The following SYN2 variants were observed in gnomAD, a reference collection of about 807,000 sequenced individuals.
SYN2 encodes the protein synapsin II.
SYN2 carries 19 observed loss-of-function variants against 50.9 expected under a neutral mutation model. The observed-to-expected ratio is 0.37, with a 90% CI of 0.26 to 0.55. The LOEUF (loss-of-function observed/expected upper bound fraction) is 0.55. Ranked by LOEUF, SYN2 falls within the 20% of genes least tolerant of loss-of-function variation. The probability of loss-of-function intolerance (pLI) is 0.81; values close to 1 mark genes in which losing one functional copy is unlikely to be tolerated. For synonymous variants in SYN2, 255 were observed against 224.9 expected (o/e 1.13, Z -1.20); for missense variants, 587 against 576.4 (o/e 1.02, Z -0.19).
intron 1 of SYN2, among the ~76,000 whole-genome samples, chr3:12,042,658 A>C (rs307578): frequency 5.9e-5 from 9 of 152,010 alleles, no homozygotes; most frequent in African/African-American, 1.5e-4. Flanking sequence ...GTCCACCTCA[A>C]AATGTGACTT....
chr3:12,070,919 C>T, intron 1 of SYN2: 1 of 556,538 alleles, frequency 1.8e-6, no homozygotes, highest in South Asian at 1.5e-5. Flanking sequence ...CAGGAGATGG[C>T]CACCGCCGCA....
intron 1 of SYN2, among the ~76,000 whole-genome samples, chr3:12,065,394 A>G (rs1346500955): frequency 6.6e-6 from 1 of 152,218 alleles, no homozygotes; most frequent in Non-Finnish European, 1.5e-5. Context: ...CCAAAAAAAC[A>G]CATGCACTTA....
At chr3:12,108,902 A>G (rs892855929) in intron 1 of SYN2, among the ~76,000 whole-genome samples, 9 of 151,962 alleles carry the variant, frequency 5.9e-5, no homozygotes, top group South Asian at 2.1e-4. Context: ...AGGGAAGGAA[A>G]TAGATGAAAA....
chr3:12,155,679 T>C (rs1050195473), intron 5 of SYN2, among the ~76,000 whole-genome samples: 2 of 152,180 alleles, frequency 1.3e-5, no homozygotes, highest in African/African-American at 2.4e-5. Flanking sequence ...CTGGGCACCA[T>C]TGATAACTTT....
intron 5 of SYN2, among the ~76,000 whole-genome samples, chr3:12,157,829 C>T (rs1162211803): frequency 1.2e-4 from 19 of 152,032 alleles, no homozygotes; most frequent in African/African-American, 4.4e-4. Flanking sequence ...TCAGGGCAGT[C>T]GGTGTGAAGT....
At chr3:12,176,911 A>G (rs993441569) in intron 10 of SYN2, among the ~76,000 whole-genome samples, 10 of 152,038 alleles carry the variant, frequency 6.6e-5, no homozygotes, top group Admixed American at 4.6e-4. Context: ...CGGCTGCCAC[A>G]TTGTTGCTGA....
At chr3:12,129,209 TAGG>T (rs1696736650) in intron 1 of SYN2, among the ~76,000 whole-genome samples, 1 of 151,794 alleles carries the variant, frequency 6.6e-6, no homozygotes, top group Non-Finnish European at 1.5e-5. Context: ...AGTAGAAACA[TAGG>T]AGGGAATATG....
At chr3:12,005,057 G>A in intron 1 of SYN2, 129 bp downstream of exon 1, 1 of 386,416 alleles carries the variant, frequency 2.6e-6, no homozygotes, top group Non-Finnish European at 4.6e-6. Context: ...AGGTCCCGCT[G>A]GGAGGAGGTG....
chr3:12,070,318 C>G, intron 1 of SYN2: 1 of 503,488 alleles, frequency 2.0e-6, no homozygotes, highest in Non-Finnish European at 4.0e-6. Context: ...AGCCGTGTTC[C>G]CCTCCATCCT....
intron 1 of SYN2, among the ~76,000 whole-genome samples, chr3:12,108,843 A>ACT (rs1475868755): frequency 8.2e-6 from 1 of 121,314 alleles, no homozygotes; most frequent in East Asian, 2.2e-4. Flanking sequence ...TTTAGGAGCC[A>ACT]GTTTTTTTTT....
At chr3:12,017,199 T>G (rs2125133584) in intron 1 of SYN2, among the ~76,000 whole-genome samples, 1 of 152,178 alleles carries the variant, frequency 6.6e-6, no homozygotes, top group Non-Finnish European at 1.5e-5. Flanking sequence ...CATAAAGGTT[T>G]CAAGGCAGGG....
At chr3:12,040,748 A>G (rs1328906245) in intron 1 of SYN2, among the ~76,000 whole-genome samples, 1 of 152,220 alleles carries the variant, frequency 6.6e-6, no homozygotes, top group Middle Eastern at 3.2e-3. Context: ...GATTCAAAAA[A>G]GAGGATAAAA....
intron 5 of SYN2, chr3:12,156,932 C>T: frequency 6.2e-7 from 1 of 1,612,256 alleles, no homozygotes; most frequent in Non-Finnish European, 8.5e-7. Context: ...ACCCTTTGAA[C>T]ATCTGACAGG....
intron 1 of SYN2, among the ~76,000 whole-genome samples, chr3:12,121,575 A>G (rs1393456816): frequency 6.6e-5 from 10 of 151,876 alleles, no homozygotes; most frequent in Non-Finnish European, 1.5e-5. Context: ...CTCCAGTGAA[A>G]CAGAAACAAT....
chr3:12,015,044 C>T (rs940641929), intron 1 of SYN2, among the ~76,000 whole-genome samples: 2 of 152,174 alleles, frequency 1.3e-5, no homozygotes, highest in Non-Finnish European at 2.9e-5. Context: ...CTTTGATTTG[C>T]CACATACTTT....
intron 1 of SYN2, among the ~76,000 whole-genome samples, chr3:12,014,960 T>C (rs1034334324): frequency 2.6e-5 from 4 of 152,240 alleles, no homozygotes; most frequent in African/African-American, 9.6e-5. Context: ...CAAAACATCA[T>C]TGTGATTGGA....
intron 1 of SYN2, among the ~76,000 whole-genome samples, chr3:12,045,394 A>C (rs1472687720): frequency 6.6e-6 from 1 of 152,224 alleles, no homozygotes; most frequent in Non-Finnish European, 1.5e-5. Flanking sequence ...AAGAGTTAAA[A>C]TGAGATGGTA....
At chr3:12,190,356 TG>T in intron 12 of SYN2, 133 bp from the exon 13 acceptor site, 1 of 1,032,944 alleles carries the variant, frequency 9.7e-7, no homozygotes, top group Non-Finnish European at 1.5e-6. Flanking sequence ...TGGCCACTTC[TG>T]GCATTATCCT....
chr3:12,054,893 G>A (rs937680371), intron 1 of SYN2, among the ~76,000 whole-genome samples: 1 of 151,944 alleles, frequency 6.6e-6, no homozygotes, highest in East Asian at 1.9e-4. Context: ...AGAATTCTGG[G>A]TCAAAAATAA....
Sources: gnomAD v4.1 joint callset for allele counts (sites outside exome capture counted in the v4.1 genomes callset) on GRCh38, gnomAD v4.1.1 for gene constraint, MANE v1.5 for transcripts, NCBI Gene and HGNC (gene_info 2026-07-23, HGNC 2026-07-21) for gene names.